The following ACTN1 variants were observed in gnomAD, a reference collection of about 807,000 sequenced individuals.
ACTN1 encodes the protein actinin alpha 1.
ACTN1 carries 30 observed loss-of-function variants against 119.6 expected under a neutral mutation model. That is an observed-to-expected ratio of 0.25 (90% CI 0.19 to 0.34). The LOEUF (loss-of-function observed/expected upper bound fraction) is 0.34, where lower values mean the gene tolerates loss of function less well. Ranked by LOEUF, ACTN1 falls within the 10% of genes least tolerant of loss-of-function variation. The pLI is 1.00. For synonymous variants in ACTN1, 429 were observed against 472.6 expected (o/e 0.91, Z 1.20); for missense variants, 764 against 1,223.4 (o/e 0.62, Z 5.60).
intron 1 of ACTN1, among the ~76,000 whole-genome samples, chr14:68,963,184 CCTCCTCCAGGAAGTCCTACCTGT>C (rs578183956): frequency 0.022 from 3,278 of 152,304 alleles, 54 homozygotes; most frequent in South Asian, 0.043. Flanking sequence ...CACATGATCA[CCTCCTCCAGGAAGTCCTACCTGT>C]CTCCTCCAGG....
At chr14:68,959,290 C>A (rs1250225982) in intron 1 of ACTN1, among the ~76,000 whole-genome samples, 1 of 152,206 alleles carries the variant, frequency 6.6e-6, no homozygotes, top group African/African-American at 2.4e-5. Flanking sequence ...TGCCTTCCTA[C>A]AAGTGTGATT....
intron 1 of ACTN1, among the ~76,000 whole-genome samples, chr14:68,970,048 A>G (rs1003269540): frequency 4.6e-5 from 7 of 152,160 alleles, no homozygotes; most frequent in African/African-American, 1.4e-4. Context: ...TTTAAAAAAT[A>G]AATCTTCAGG....
At chr14:68,974,773 G>A (rs889483338) in intron 1 of ACTN1, among the ~76,000 whole-genome samples, 7 of 152,156 alleles carry the variant, frequency 4.6e-5, no homozygotes, top group African/African-American at 1.7e-4. Context: ...TACCTAACAG[G>A]GGTTTAATGA....
chr14:68,942,510 G>A (rs2035795520), intron 1 of ACTN1, among the ~76,000 whole-genome samples: 1 of 152,210 alleles, frequency 6.6e-6, no homozygotes, highest in Admixed American at 6.5e-5. Flanking sequence ...GGAAGTTTCT[G>A]GTTCCAAGAG....
chr14:68,890,351 C>T, intron 10 of ACTN1, 65 bp from the exon 11 acceptor site: 2 of 1,577,416 alleles, frequency 1.3e-6, no homozygotes, highest in Non-Finnish European at 8.6e-7. Context: ...CCCCTAGCCC[C>T]CTAGACCCCT....
chr14:68,916,979 C>T (rs1222544110), intron 3 of ACTN1, among the ~76,000 whole-genome samples: 3 of 152,082 alleles, frequency 2.0e-5, no homozygotes, highest in African/African-American at 4.8e-5. Context: ...TGGCACCCAC[C>T]GCCCCCTCCA....
chr14:68,929,699 T>C (rs1027410037), intron 1 of ACTN1, among the ~76,000 whole-genome samples: 2 of 152,200 alleles, frequency 1.3e-5, no homozygotes, highest in African/African-American at 4.8e-5. Flanking sequence ...GGCAACGGCC[T>C]GTTCCCCTCT....
At chr14:68,916,167 G>GAA (rs754807475) in intron 3 of ACTN1, among the ~76,000 whole-genome samples, 34 of 152,252 alleles carry the variant, frequency 2.2e-4, no homozygotes, top group Non-Finnish European at 4.4e-4. Context: ...TTTAAGCCTA[G>GAA]AAAAAAGCTC....
rs1436169235 is a variant in ACTN1, at chr14:68,878,622, C to T, written c.2362-99G>A. ...GGAAGACAGGAACAGATGGCCAGAA[C>T]GGGGATGAGATTTATGGTTTTGGGG... is the stretch of plus-strand genomic sequence containing the variant. On this transcript the variant is annotated intron_variant, in intron 19 of 21. Transcript: ENST00000394419. The surrounding 1 kb of genome is among the most constrained non-coding windows in gnomAD (Gnocchi z 4.4). The T allele has an allele frequency of 1.7e-5, 27 of 1,574,598 alleles. No homozygotes were observed. Among genetic ancestry groups the T allele is most frequent in the South Asian group, 6.9e-5 (6 of 86,936 alleles).
Position 68,878,836 on chromosome 14 carries a change from G to C in ACTN1, c.2361+153C>G, listed in dbSNP as rs757943603. The stretch of plus-strand genomic sequence containing the variant: ...AGCAGAGGGCAGAGGGTGGACCAGT[G>C]ATGGGGCAGACAGAGACAGCAGGAG... On this transcript the variant is annotated intron_variant, in intron 19 of 21. Transcript: ENST00000394419. This position sits in a 1 kb window ranked among gnomAD's most constrained non-coding sequence, Gnocchi z 4.4. The C allele has an allele frequency of 1.3e-6, 2 of 1,594,924 alleles. No individual in the cohort carries two copies. The highest frequency in any genetic ancestry group is 4.5e-5 in the East Asian group (2 of 44,696).
At chr14:68,961,513 G>C (rs2036539486) in intron 1 of ACTN1, among the ~76,000 whole-genome samples, 1 of 152,140 alleles carries the variant, frequency 6.6e-6, no homozygotes, top group African/African-American at 2.4e-5. Flanking sequence ...GTGTTCCCCT[G>C]GGTGTTCTGA....
chr14:68,884,154 G>C lies in ACTN1; in HGVS notation c.1635+14C>G. On this transcript the variant is annotated intron_variant, in intron 14 of 21. Transcript: ENST00000394419. ...CAGGGGAGCCAGCCTCCGGGGAGTGGAGGTGGGGCTCACCTGGATCTCCTC... is the reference window on the plus strand; with the variant it reads ...CAGGGGAGCCAGCCTCCGGGGAGTGCAGGTGGGGCTCACCTGGATCTCCTC... 6.2e-7 allele frequency: 1 copy of C among 1,607,760 alleles called. No homozygotes were observed. The highest frequency in any genetic ancestry group is 8.5e-7 in the Non-Finnish European group (1 of 1,175,676).
In ACTN1 at chr14:68,874,789, G is replaced by A; in HGVS notation, c.*70C>T. The A allele has an allele frequency of 7.0e-7, 1 of 1,422,654 alleles. No homozygotes were observed. Among genetic ancestry groups the A allele is most frequent in the Non-Finnish European group, 9.3e-7 (1 of 1,080,516 alleles). The allele number at this position is 1,422,654 out of a possible 1,614,324, so 88.1% of individuals were successfully genotyped here. On this transcript the variant is annotated 3_prime_UTR_variant, in exon 22 of 22. Transcript: ENST00000394419. The stretch of plus-strand genomic sequence containing the variant: ...TGGGAGCTGAAACCGAACCCAGGCA[G>A]GAGATGGGCGACGGCGGAGGTGCAA...
At chr14:68,901,248 T>C (rs1444760111) in intron 8 of ACTN1, among the ~76,000 whole-genome samples, 4 of 128,590 alleles carry the variant, frequency 3.1e-5, no homozygotes, top group Admixed American at 1.6e-4. Context: ...GTTTTTGTTT[T>C]GTTTTTTTTT....
chr14:68,887,548 T>G, intron 11 of ACTN1: 1 of 1,307,170 alleles, frequency 7.7e-7, no homozygotes, highest in Non-Finnish European at 1.0e-6. Context: ...CTCCCATAAT[T>G]CAATATCCCA....
chr14:68,924,407 C>G (rs117965746), intron 2 of ACTN1, among the ~76,000 whole-genome samples: 5 of 152,322 alleles, frequency 3.3e-5, no homozygotes, highest in Admixed American at 1.3e-4. Flanking sequence ...GAGAGCTGCA[C>G]GTTCCCCCTG....
At chr14:68,930,583 C>T (rs970252553) in intron 1 of ACTN1, among the ~76,000 whole-genome samples, 27 of 152,116 alleles carry the variant, frequency 1.8e-4, no homozygotes. Flanking sequence ...GGGATTCACT[C>T]GGATCACTCT....
At chr14:68,966,146 G>C (rs2036700257) in intron 1 of ACTN1, among the ~76,000 whole-genome samples, 1 of 152,294 alleles carries the variant, frequency 6.6e-6, no homozygotes, top group South Asian at 2.1e-4. Flanking sequence ...GAGCCCAGGA[G>C]GTAGAAGCTG....
At position 68,905,729 on chromosome 14, in the gene ACTN1, C is replaced by T. The variant is rs549001731; in HGVS notation, c.595-993G>A. ...GACACAGGCCGGGTGCAGTGGCTCA[C>T]GTGTGTAATCCCAGTACTTTGGGAG... On this transcript the variant is annotated intron_variant, in intron 6 of 21. Transcript: ENST00000394419. Among the ~76,000 whole-genome samples the T allele has an allele frequency of 4.6e-5, 7 of 152,252 alleles. 1 individual carries two copies. The highest frequency in any genetic ancestry group is 2.1e-4 in the South Asian group (1 of 4,818).
Sources: allele counts gnomAD v4.1 joint callset (sites outside exome capture counted in the v4.1 genomes callset), GRCh38; gene constraint gnomAD v4.1.1; non-coding constraint Gnocchi (gnomAD v3.1); transcripts MANE v1.5; gene names NCBI Gene and HGNC (gene_info 2026-07-23, HGNC 2026-07-21).